Variants in PIAS4 observed in about 807,000 individuals in gnomAD.
PIAS4 encodes protein inhibitor of activated STAT 4, also known as E3 SUMO-protein ligase PIAS4.
A neutral mutation model predicts 58.0 loss-of-function variants in PIAS4; 7 were observed. The observed-to-expected ratio is 0.12, with a 90% confidence interval of 0.07 to 0.23. PIAS4 has a LOEUF of 0.23. PIAS4 is among the 10% of genes least tolerant of loss of function. The pLI is 1.00. For missense variants in PIAS4, 550 were observed against 709.5 expected, an observed-to-expected ratio of 0.78 and a Z score of 2.55; for synonymous variants, 364 against 312.4, an observed-to-expected ratio of 1.17 and a Z score of -1.74.
intron 9 of PIAS4, among the ~76,000 whole-genome samples, chr19:4,036,648 T>TCA: frequency 5.0e-5 from 6 of 120,028 alleles, no homozygotes; most frequent in African/African-American, 2.4e-4. Context: ...GTCCACACTG[T>TCA]CATACACACA....
Position 4,036,460 on chromosome 19 carries a change from G to C in PIAS4, c.1143-914G>C, listed in dbSNP as rs111163822. The stretch of plus-strand genomic sequence containing the variant: ...CATACAAACACACACACATCTATAC[G>C]GTCCACACCGTCACACATCCATACA... On this transcript the variant is annotated intron_variant, in intron 9 of 10. Coordinates refer to ENST00000262971, the MANE Select transcript of PIAS4 (RefSeq NM_015897.4). Among the ~76,000 whole-genome samples the C allele has an allele frequency of 6.4e-4, 58 of 91,240 alleles. 5 individuals carry two copies. Among genetic ancestry groups the C allele is most frequent in the Middle Eastern group, 0.013 (1 of 78 alleles). The allele number at this position is 91,240 out of a possible 152,430, so 59.9% of individuals were successfully genotyped here.
intron 1 of PIAS4, among the ~76,000 whole-genome samples, chr19:4,008,552 C>G (rs1599211507): frequency 6.6e-6 from 1 of 152,110 alleles, no homozygotes. Context: ...GGAGTTCGGA[C>G]CACTCTTCTT....
At chr19:4,017,600 G>GT in intron 2 of PIAS4, 1 of 151,014 alleles carries the variant, frequency 6.6e-6, no homozygotes, top group Non-Finnish European at 1.5e-5. Flanking sequence ...TAGAGAACTT[G>GT]TATGTGCCGG....
Position 4,036,156 on chromosome 19 carries a change from C to T in PIAS4, c.1143-1218C>T, listed in dbSNP as rs866087793. Among the ~76,000 whole-genome samples, 117 of 28,756 alleles carry T rather than the reference C, an allele frequency of 4.1e-3. 2 individuals are homozygous for T. The highest frequency in any genetic ancestry group is 5.8e-3 in the Non-Finnish European group (59 of 10,208). The allele number at this position is 28,756 out of a possible 152,430, so 18.9% of individuals were successfully genotyped here. ...CGTCACACATCCGTACAGTCCACAC[C>T]GTCATACAAACACACACACATCTAT... is the stretch of plus-strand genomic sequence containing the variant. On this transcript the variant is annotated intron_variant, in intron 9 of 10. Coordinates refer to ENST00000262971, the MANE Select transcript of PIAS4 (RefSeq NM_015897.4).
intron 9 of PIAS4, 43 bp downstream of exon 9, chr19:4,033,623 C>T (rs770503732): frequency 1.0e-5 from 16 of 1,525,774 alleles, no homozygotes; most frequent in Middle Eastern, 1.7e-4. Flanking sequence ...GCCGGACATC[C>T]GTGGAGGTCT....
chr19:4,013,200 C>T lies in PIAS4; in HGVS notation c.305C>T (p.Ala102Val), dbSNP rs1190280045. 2 of 1,613,568 alleles carry T rather than the reference C, an allele frequency of 1.2e-6. No individual in the cohort carries two copies. Among genetic ancestry groups the T allele is most frequent in the Non-Finnish European group, 1.7e-6 (2 of 1,180,014 alleles). ...RAGAVPRTPLAGPNIDYPVLY... is the reference protein window; with the variant it reads ...RAGAVPRTPLVGPNIDYPVLY... ...GGCGCTGTGCCCAGGACTCCGCTGG[C>T]AGGCCCCAATATTGACTACCCCGTG... Residue 102 changes from alanine to valine, a missense_variant, in exon 2 of 11, where the codon GCA becomes GTA. Transcript: ENST00000262971. This position sits in a 1 kb window ranked among gnomAD's most constrained non-coding sequence, Gnocchi z 5.1.
At chr19:4,032,579 C>T (rs920660976) in intron 7 of PIAS4, among the ~76,000 whole-genome samples, 1 of 152,210 alleles carries the variant, frequency 6.6e-6, no homozygotes, top group Non-Finnish European at 1.5e-5. Context: ...TGGCGGGCAC[C>T]GTCTTTTCCT....
intron 9 of PIAS4, among the ~76,000 whole-genome samples, chr19:4,036,794 ACAGTCCACACCGTCACATATC>A (rs2040299557): frequency 6.7e-6 from 1 of 148,834 alleles, no homozygotes; most frequent in Non-Finnish European, 1.5e-5. Flanking sequence ...ACACATCTAT[ACAGTCCACACCGTCACATATC>A]TGTACAGTCC....
At chr19:4,033,958 T>C (rs2144940219) in intron 9 of PIAS4, among the ~76,000 whole-genome samples, 1 of 152,164 alleles carries the variant, frequency 6.6e-6, no homozygotes, top group Middle Eastern at 3.4e-3. Context: ...GGTGACCTCC[T>C]CACAGAAAGG....
At chr19:4,026,620 C>T (rs904415854) in intron 3 of PIAS4, among the ~76,000 whole-genome samples, 1 of 152,146 alleles carries the variant, frequency 6.6e-6, no homozygotes, top group African/African-American at 2.4e-5. Context: ...GCATCCCCTC[C>T]TGTCTGTAAA....
At position 4,037,674 on chromosome 19, in the gene PIAS4, G is replaced by A. The variant is rs778571350; in HGVS notation, c.1332G>A (p.Leu444=). 7.4e-6 allele frequency: 12 copies of A among 1,612,010 alleles called. No individual in the cohort carries two copies. The Admixed American group carries it at 2.0e-4, about 27-fold the overall frequency. Residue 444 remains leucine (L), a synonymous_variant, in exon 11 of 11, where the codon CTG becomes CTA. Transcript: ENST00000262971. This position sits in a 1 kb window ranked among gnomAD's most constrained non-coding sequence, Gnocchi z 5.8. ...CCAGCGTCAACGGGAGCGGTGCCCT[G>A]GGCAGCACGGGTGGCGGCGGCCCGG... The part of the protein sequence containing the change: ...PAPSVNGSGA[L]GSTGGGGPVG...
chr19:4,031,619 C>T (rs1015090625), intron 7 of PIAS4, among the ~76,000 whole-genome samples: 1 of 152,072 alleles, frequency 6.6e-6, no homozygotes, highest in Non-Finnish European at 1.5e-5. Flanking sequence ...TCTAGGCCCA[C>T]GGGGTGGGGG....
intron 7 of PIAS4, among the ~76,000 whole-genome samples, chr19:4,031,395 C>T (rs1044727993): frequency 6.6e-6 from 1 of 152,234 alleles, no homozygotes; most frequent in East Asian, 1.9e-4. Context: ...GGCCAGCCTC[C>T]TCCAGGCTCG....
At chr19:4,019,712 G>A (rs965992178) in intron 2 of PIAS4, among the ~76,000 whole-genome samples, 2 of 152,152 alleles carry the variant, frequency 1.3e-5, no homozygotes, top group African/African-American at 4.8e-5. Flanking sequence ...GGCCCAGCCG[G>A]GACTCCACAG....
chr19:4,036,354 C>T (rs2040285676), intron 9 of PIAS4, among the ~76,000 whole-genome samples: 1 of 113,682 alleles, frequency 8.8e-6, no homozygotes, highest in South Asian at 3.0e-4. Flanking sequence ...CACACCGTCA[C>T]ACATCTATAC....
intron 3 of PIAS4, among the ~76,000 whole-genome samples, chr19:4,026,315 T>G (rs1006005536): frequency 4.7e-5 from 7 of 149,072 alleles, no homozygotes; most frequent in Middle Eastern, 3.4e-3. Flanking sequence ...GTATTTTTAG[T>G]AGAGACAGGG....
chr19:4,024,779 C>CTT (rs2040145836), intron 3 of PIAS4, among the ~76,000 whole-genome samples: 1 of 150,556 alleles, frequency 6.6e-6, no homozygotes, highest in East Asian at 1.9e-4. Context: ...TTTTTTGAGA[C>CTT]TGAGTGTAGC....
intron 3 of PIAS4, 121 bp downstream of exon 3, chr19:4,024,241 C>T (rs531227755): frequency 5.8e-5 from 43 of 746,964 alleles, no homozygotes; most frequent in African/African-American, 3.6e-4. Context: ...AGTCCAGAAC[C>T]GTGCTGCAAG....
rs1384543938 is a variant in PIAS4, at chr19:4,037,309, A to C, written c.1143-65A>C. On this transcript the variant is annotated intron_variant, in intron 9 of 10. Transcript: ENST00000262971. This position sits in a 1 kb window ranked among gnomAD's most constrained non-coding sequence, Gnocchi z 5.8. ...GCCTGGCTGCATCCGGGAGGGATGG[A>C]GGGCTGGGGAGTTGGGGGGGTGGGG... 24 of 1,183,552 alleles carry C rather than the reference A, an allele frequency of 2.0e-5. No individual in the cohort carries two copies. Among genetic ancestry groups the C allele is most frequent in the Non-Finnish European group, 2.7e-5 (24 of 894,968 alleles). 73.3% of individuals were successfully genotyped at this position (1,183,552 alleles called of 1,614,324 possible). A position where few individuals can be genotyped will look rare whatever the true frequency, so the allele number is the denominator to read the frequency against.
Sources: gnomAD v4.1 joint callset for allele counts (sites outside exome capture counted in the v4.1 genomes callset) on GRCh38, gnomAD v4.1.1 for gene constraint, Gnocchi (gnomAD v3.1) non-coding constraint, MANE v1.5 for transcripts, NCBI Gene and HGNC (gene_info 2026-07-23, HGNC 2026-07-21) for gene names.